PCDHGB1: variants seen among roughly 807,000 people sequenced by gnomAD.
PCDHGB1 encodes the protein protocadherin gamma subfamily B, 1.
Under a neutral mutation model 56.6 loss-of-function variants are expected in PCDHGB1, and 34 were observed. The observed-to-expected ratio is 0.60, with a 90% CI of 0.46 to 0.80. The LOEUF (loss-of-function observed/expected upper bound fraction) is 0.80, where lower values mean the gene tolerates loss of function less well. Among genes scored for constraint, PCDHGB1 ranks in the 30% least tolerant of loss-of-function variants. The probability of loss-of-function intolerance (pLI) is 0.00; values close to 1 mark genes in which losing one functional copy is unlikely to be tolerated. For synonymous variants in PCDHGB1, 561 were observed against 505.9 expected (o/e 1.11, Z -1.46); for missense variants, 1,278 against 1,204.6 (o/e 1.06, Z -0.90).
intron 1 of PCDHGB1, chr5:141,355,193 G>A: frequency 6.3e-7 from 1 of 1,594,436 alleles, no homozygotes; most frequent in Non-Finnish European, 8.6e-7. Flanking sequence ...CTCCGCGGCG[G>A]GGTTGTAATG....
At chr5:141,423,147 G>A (rs545052756) in intron 1 of PCDHGB1, 4 of 1,613,578 alleles carry the variant, frequency 2.5e-6, no homozygotes, top group African/African-American at 2.7e-5. Context: ...ACGCGCTCAA[G>A]CAGAGCCTCG....
chr5:141,408,448 G>A, intron 1 of PCDHGB1: 4 of 1,614,054 alleles, frequency 2.5e-6, no homozygotes, highest in Non-Finnish European at 2.5e-6. Context: ...CGGAGAGCGG[G>A]GACTTACTTG....
chr5:141,501,327 AC>A (rs1208116606), intron 2 of PCDHGB1, among the ~76,000 whole-genome samples: 2 of 151,364 alleles, frequency 1.3e-5, no homozygotes, highest in Non-Finnish European at 2.9e-5. Context: ...ACACACACAC[AC>A]ACACACCCCA....
At chr5:141,384,961 G>A (rs774549251) in intron 1 of PCDHGB1, 1 of 1,614,096 alleles carries the variant, frequency 6.2e-7, no homozygotes, top group South Asian at 1.1e-5. Context: ...TTACAACTAT[G>A]ACCTCACGTT....
At chr5:141,422,588 C>A in intron 1 of PCDHGB1, 1 of 1,614,056 alleles carries the variant, frequency 6.2e-7, no homozygotes, top group South Asian at 1.1e-5. Flanking sequence ...CCCGTTTTTC[C>A]TCACTCCTCT....
chr5:141,423,310 G>C, intron 1 of PCDHGB1: 2 of 1,614,180 alleles, frequency 1.2e-6, no homozygotes, highest in Non-Finnish European at 1.7e-6. Context: ...GCTGTACTTG[G>C]TGGTGGCGGT....
At chr5:141,472,453 T>C (rs2099281194) in intron 1 of PCDHGB1, among the ~76,000 whole-genome samples, 1 of 151,726 alleles carries the variant, frequency 6.6e-6, no homozygotes, top group African/African-American at 2.4e-5. Flanking sequence ...GGCAGGAGAA[T>C]CGCTTGAACC....
intron 1 of PCDHGB1, among the ~76,000 whole-genome samples, chr5:141,373,609 A>G (rs566827138): frequency 6.6e-6 from 1 of 152,384 alleles, no homozygotes; most frequent in South Asian, 2.1e-4. Context: ...TTCAAAATTT[A>G]CAGAAGATTG....
intron 1 of PCDHGB1, chr5:141,415,888 T>C: frequency 1.1e-6 from 1 of 940,220 alleles, no homozygotes; most frequent in South Asian, 2.9e-5. Flanking sequence ...ATATTGACAA[T>C]TCCTAAGACA....
chr5:141,399,632 C>G, intron 1 of PCDHGB1: 1 of 1,613,894 alleles, frequency 6.2e-7, no homozygotes, highest in Non-Finnish European at 8.5e-7. Flanking sequence ...TCTTACGTGT[C>G]CATGAGCGCG....
In PCDHGB1 at chr5:141,486,981, A is replaced by G. The variant is rs1457098151; in HGVS notation, c.2410-7826A>G. Reference sequence around the variant, plus strand: ...GCTGTGGACTTGGATTCAGGTTACAATGCTTGGGTTTCCTATCAGCTCCTG... The same window carrying G: ...GCTGTGGACTTGGATTCAGGTTACAGTGCTTGGGTTTCCTATCAGCTCCTG... On this transcript the variant is annotated intron_variant, in intron 1 of 3. Coordinates refer to ENST00000523390, the MANE Select transcript of PCDHGB1 (RefSeq NM_018922.3). The surrounding 1 kb of genome is among the most constrained non-coding windows in gnomAD (Gnocchi z 5.0). 17 of 1,614,038 alleles carry G rather than the reference A, an allele frequency of 1.1e-5. No individual in the cohort carries two copies. The highest frequency in any genetic ancestry group is 4.0e-5 in the African/African-American group (3 of 74,922).
intron 1 of PCDHGB1, chr5:141,403,068 C>G (rs1178674622): frequency 6.2e-7 from 1 of 1,614,064 alleles, no homozygotes; most frequent in Admixed American, 1.7e-5. Context: ...CCTGAAGAGA[C>G]AGAAAAGGGC....
At chr5:141,420,027 C>T in intron 1 of PCDHGB1, 3 of 1,614,082 alleles carry the variant, frequency 1.9e-6, no homozygotes, top group Non-Finnish European at 2.5e-6. Flanking sequence ...AGCCCTACTG[C>T]AGGAGACTGC....
chr5:141,415,605 G>GGT, intron 1 of PCDHGB1: 1 of 1,613,122 alleles, frequency 6.2e-7, no homozygotes. Context: ...ATACCCCATT[G>GGT]GTTCCAGTGA....
chr5:141,413,352 G>C lies in PCDHGB1; in HGVS notation c.2409+60683G>C, dbSNP rs896091511. ...ACATCTCCAAGGACTTGGGTCTGGC[G>C]CCCCGGGAGCTGGCGGAGCGCGGAG... On this transcript the variant is annotated intron_variant, in intron 1 of 3. Coordinates refer to ENST00000523390, the MANE Select transcript of PCDHGB1 (RefSeq NM_018922.3). 1.9e-6 allele frequency: 3 copies of C among 1,613,858 alleles called. No homozygotes were observed. In the African/African-American group the frequency reaches 4.0e-5, roughly 22 times the overall value.
Position 141,485,261 on chromosome 5 carries a change from C to G in PCDHGB1, c.2410-9546C>G, listed in dbSNP as rs759268725. 1 of 1,614,076 alleles carries G rather than the reference C, an allele frequency of 6.2e-7. No homozygotes were observed. The highest frequency in any genetic ancestry group is 8.5e-7 in the Non-Finnish European group (1 of 1,179,904). On this transcript the variant is annotated intron_variant, in intron 1 of 3. Transcript: ENST00000523390. This position sits in a 1 kb window ranked among gnomAD's most constrained non-coding sequence, Gnocchi z 5.7. The stretch of plus-strand genomic sequence containing the variant: ...TTACCACCTGGGTTACGTTTGTGGG[C>G]AGATCCGCTACCCGGTCCCAGAGGA...
At chr5:141,427,986 G>C in intron 1 of PCDHGB1, 1 of 1,598,018 alleles carries the variant, frequency 6.3e-7, no homozygotes, top group East Asian at 2.2e-5. Context: ...GCTGGGGCCC[G>C]ATGGCTCCGC....
chr5:141,371,516 A>C, intron 1 of PCDHGB1: 5 of 1,613,882 alleles, frequency 3.1e-6, no homozygotes, highest in Non-Finnish European at 4.2e-6. Context: ...CACATGATCT[A>C]GATTCTGGAT....
chr5:141,431,833 AAACTCT>A lies in PCDHGB1; in HGVS notation c.2410-62973_2410-62968del. The A allele has an allele frequency of 1.2e-6, 2 of 1,614,278 alleles. No homozygotes were observed. Among genetic ancestry groups the A allele is most frequent in the Non-Finnish European group, 1.7e-6 (2 of 1,180,044 alleles). ...CCTCTCTCGCCAGCTCGGTTCCCGA[AAACTCT>A]CCCAGAGGGACATTAATTGCCCTTT... is the stretch of plus-strand genomic sequence containing the variant. On this transcript the variant is annotated intron_variant, in intron 1 of 3. Transcript: ENST00000523390. This position sits in a 1 kb window ranked among gnomAD's most constrained non-coding sequence, Gnocchi z 4.8.
Sources: gnomAD v4.1 joint callset for allele counts (sites outside exome capture counted in the v4.1 genomes callset) on GRCh38, gnomAD v4.1.1 for gene constraint, Gnocchi (gnomAD v3.1) non-coding constraint, MANE v1.5 for transcripts, NCBI Gene and HGNC (gene_info 2026-07-23, HGNC 2026-07-21) for gene names.